Variants in PITPNM2 observed in about 807,000 individuals in gnomAD.
PITPNM2 encodes the protein membrane-associated phosphatidylinositol transfer protein 2.
A neutral mutation model predicts 132.2 loss-of-function variants in PITPNM2; 35 were observed. The ratio of observed to expected loss-of-function variants is 0.26; its 90% CI spans 0.20 to 0.35. The LOEUF (loss-of-function observed/expected upper bound fraction) is 0.35. Ranked by LOEUF, PITPNM2 falls within the 10% of genes least tolerant of loss-of-function variation. The pLI is 1.00. For missense variants in PITPNM2, 1,332 were observed against 1,912.0 expected (o/e 0.70, Z 5.66); for synonymous variants, 738 against 799.2 (o/e 0.92, Z 1.29).
intron 1 of PITPNM2, among the ~76,000 whole-genome samples, chr12:123,133,821 C>CACACACACACAT (rs1555299890): frequency 6.6e-6 from 1 of 150,708 alleles, no homozygotes; most frequent in African/African-American, 2.4e-5. Flanking sequence ...CACAGACACA[C>CACACACACACAT]ACACGCTCCT....
Position 122,994,179 on chromosome 12 carries a change from GC to G in PITPNM2, c.2233+621del, listed in dbSNP as rs1278359392. On this transcript the variant is annotated intron_variant, in intron 15 of 25. Transcript: ENST00000320201. The surrounding 1 kb of genome is among the most constrained non-coding windows in gnomAD (Gnocchi z 5.4). ...TGAGCCACCGCGCCCGGCCAGCTCTGCATTTTTAACCTGCACTTGGCAAGCA... is the reference window on the plus strand; with the variant it reads ...TGAGCCACCGCGCCCGGCCAGCTCTGATTTTTAACCTGCACTTGGCAAGCA... 6.6e-6 allele frequency among the ~76,000 whole-genome samples: 1 copy of G among 152,222 alleles called. No individual in the cohort carries two copies. Among genetic ancestry groups the G allele is most frequent in the Non-Finnish European group, 1.5e-5 (1 of 68,036 alleles).
Position 122,985,903 on chromosome 12 carries a change from C to G in PITPNM2, c.*124G>C, listed in dbSNP as rs1050344408. ...AGCACTGTGTGGTGCGGCCCGTGTCCTCCACAAGGCCCTGGGACAATCTCC... is the reference window on the plus strand; with the variant it reads ...AGCACTGTGTGGTGCGGCCCGTGTCGTCCACAAGGCCCTGGGACAATCTCC... On this transcript the variant is annotated 3_prime_UTR_variant, in exon 26 of 26. Transcript: ENST00000320201. The G allele has an allele frequency of 1.1e-6, 1 of 945,142 alleles. No individual in the cohort carries two copies. Among genetic ancestry groups the G allele is most frequent in the Admixed American group, 4.2e-5 (1 of 23,600 alleles). 58.5% of individuals were successfully genotyped at this position (945,142 alleles called of 1,614,324 possible).
At position 123,111,958 on chromosome 12, in the gene PITPNM2, G is replaced by A. The variant is rs769476292; in HGVS notation, c.-199-1470C>T. Among the ~76,000 whole-genome samples, 6 of 152,206 alleles carry A rather than the reference G, an allele frequency of 3.9e-5. No homozygotes were observed. The highest frequency in any genetic ancestry group is 1.4e-4 in the African/African-American group (6 of 41,528). On this transcript the variant is annotated intron_variant, in intron 1 of 25. Transcript: ENST00000320201. This position sits in a 1 kb window ranked among gnomAD's most constrained non-coding sequence, Gnocchi z 4.1. ...AGGGTTGAGGGTTTGCCATGGTAACGCACCCATCAATGGCGAGCCAGATTT... is the reference window on the plus strand; with the variant it reads ...AGGGTTGAGGGTTTGCCATGGTAACACACCCATCAATGGCGAGCCAGATTT...
intron 1 of PITPNM2, among the ~76,000 whole-genome samples, chr12:123,136,073 C>T (rs1220102033): frequency 1.3e-5 from 2 of 151,944 alleles, no homozygotes; most frequent in African/African-American, 4.8e-5. Flanking sequence ...GAGGCTGAGG[C>T]AGGTGGATCA....
chr12:123,036,758 T>G lies in PITPNM2; in HGVS notation c.-95-2073A>C, dbSNP rs1265637102. 6.6e-6 allele frequency among the ~76,000 whole-genome samples: 1 copy of G among 152,060 alleles called. No homozygotes were observed. The highest frequency in any genetic ancestry group is 1.9e-4 in the East Asian group (1 of 5,170). The stretch of plus-strand genomic sequence containing the variant: ...CCTGGACACAGAAATCCCCTCTAGC[T>G]CCCCTCTCTCTGGGAAGTTTCCTTG... On this transcript the variant is annotated intron_variant, in intron 2 of 25. Transcript: ENST00000320201. This position sits in a 1 kb window ranked among gnomAD's most constrained non-coding sequence, Gnocchi z 4.1.
At chr12:123,115,054 T>C (rs2042908955) in intron 1 of PITPNM2, among the ~76,000 whole-genome samples, 1 of 152,188 alleles carries the variant, frequency 6.6e-6, no homozygotes, top group African/African-American at 2.4e-5. Context: ...CAGGCCCTTC[T>C]GAGGCTGGGT....
chr12:123,128,244 A>G (rs557087409), intron 1 of PITPNM2, among the ~76,000 whole-genome samples: 7 of 126,862 alleles, frequency 5.5e-5, no homozygotes, highest in African/African-American at 1.7e-4. Flanking sequence ...CCTAGTAAAC[A>G]TGGCGAAACC....
At chr12:123,037,446 C>T (rs1213562812) in intron 2 of PITPNM2, among the ~76,000 whole-genome samples, 1 of 152,212 alleles carries the variant, frequency 6.6e-6, no homozygotes, top group Non-Finnish European at 1.5e-5. Context: ...TGAAGCAGTA[C>T]ACCTGTGTGA....
At chr12:123,057,549 A>C (rs1393027415) in intron 2 of PITPNM2, among the ~76,000 whole-genome samples, 1 of 152,192 alleles carries the variant, frequency 6.6e-6, no homozygotes, top group Non-Finnish European at 1.5e-5. Flanking sequence ...ACCGCATCTG[A>C]AATCAGAGCT....
Position 123,004,545 on chromosome 12 carries a change from G to A in PITPNM2, c.953-56C>T, listed in dbSNP as rs758057092. On this transcript the variant is annotated intron_variant, in intron 7 of 25. Coordinates refer to ENST00000320201, the MANE Select transcript of PITPNM2 (RefSeq NM_020845.3). This position sits in a 1 kb window ranked among gnomAD's most constrained non-coding sequence, Gnocchi z 4.9. ...ACTGGAGAGGAAGGGCCCAGAGGCT[G>A]CCCTGAGCCGGCAGGAGGCAGGGAG... 1.3e-6 allele frequency: 2 copies of A among 1,573,650 alleles called. No individual in the cohort carries two copies. Among genetic ancestry groups the A allele is most frequent in the Admixed American group, 3.4e-5 (2 of 59,182 alleles).
chr12:122,997,109 C>T (rs536252568), intron 11 of PITPNM2, among the ~76,000 whole-genome samples, 199 bp from the exon 12 acceptor site: 3 of 152,294 alleles, frequency 2.0e-5, no homozygotes, highest in Admixed American at 6.5e-5. Context: ...CCACATTACA[C>T]GTTTGGAAAC....
At chr12:123,046,187 C>T (rs1173984259) in intron 2 of PITPNM2, among the ~76,000 whole-genome samples, 1 of 152,120 alleles carries the variant, frequency 6.6e-6, no homozygotes, top group East Asian at 1.9e-4. Flanking sequence ...CTGCCCAGTC[C>T]TGCCTTTCCT....
At position 123,022,115 on chromosome 12, in the gene PITPNM2, C is replaced by T. The variant is rs376466784; in HGVS notation, c.79-8073G>A. On this transcript the variant is annotated intron_variant, in intron 3 of 25. Transcript: ENST00000320201. The surrounding 1 kb of genome is among the most constrained non-coding windows in gnomAD (Gnocchi z 4.9). ...CCAGGCCTGGAAAACCCTTCATTTC[C>T]GGTGCTCAGAGGCTCCCGGTACAGC... is the stretch of plus-strand genomic sequence containing the variant. 5.6e-4 allele frequency among the ~76,000 whole-genome samples: 86 copies of T among 152,280 alleles called. No homozygotes were observed. Among genetic ancestry groups the T allele is most frequent in the African/African-American group, 2.0e-3 (82 of 41,548 alleles).
chr12:123,098,607 A>G (rs779836679), intron 2 of PITPNM2, among the ~76,000 whole-genome samples: 3 of 152,142 alleles, frequency 2.0e-5, no homozygotes, highest in Non-Finnish European at 4.4e-5. Flanking sequence ...GCTACTCCAG[A>G]GGCATAGGCA....
chr12:123,061,095 T>C (rs2041221199), intron 2 of PITPNM2, among the ~76,000 whole-genome samples: 1 of 152,126 alleles, frequency 6.6e-6, no homozygotes, highest in Admixed American at 6.5e-5. Flanking sequence ...CACCCATGCA[T>C]CCATCCATCA....
intron 8 of PITPNM2, among the ~76,000 whole-genome samples, chr12:123,002,076 G>A (rs971540106): frequency 6.6e-6 from 1 of 151,122 alleles, no homozygotes; most frequent in East Asian, 1.9e-4. Flanking sequence ...GGTGGTTCAC[G>A]TCTGTAATCC....
intron 19 of PITPNM2, 130 bp from the exon 20 acceptor site, chr12:122,988,480 A>G (rs1336091769): frequency 4.8e-6 from 4 of 833,690 alleles, no homozygotes; most frequent in East Asian, 4.9e-5. Context: ...TCAACTCACT[A>G]CTGTCTGCCC....
rs1327312712 is a variant in PITPNM2, at chr12:122,988,824, C to A, written c.2780G>T (p.Cys927Phe). 1 of 1,584,274 alleles carries A rather than the reference C, an allele frequency of 6.3e-7. No homozygotes were observed. The highest frequency in any genetic ancestry group is 1.8e-5 in the Admixed American group (1 of 54,868). The stretch of plus-strand genomic sequence containing the variant: ...GGGGAAGGCCGTGAGGGCGTCAGGG[C>A]AGTACAGGGCGTAGTCGATCCGCTT... ...GQKRIDYALY[C>F]PDALTAFPTV... The change falls in exon 19 of 26, where the codon TGC (cysteine) becomes TTC (phenylalanine). Residue 927 changes from cysteine to phenylalanine, a missense_variant. Physicochemically the swap from Cys to Phe is radical, Grantham distance 205 (BLOSUM62 -2). Transcript: ENST00000320201.
intron 2 of PITPNM2, among the ~76,000 whole-genome samples, chr12:123,066,754 A>T (rs1276431265): frequency 6.6e-6 from 1 of 152,106 alleles, no homozygotes; most frequent in African/African-American, 2.4e-5. Context: ...ACCTTAAAAT[A>T]CGTGTCTGAC....
Sources: gnomAD v4.1 joint callset for allele counts (sites outside exome capture counted in the v4.1 genomes callset) on GRCh38, gnomAD v4.1.1 for gene constraint, Gnocchi (gnomAD v3.1) non-coding constraint, MANE v1.5 for transcripts, NCBI Gene and HGNC (gene_info 2026-07-23, HGNC 2026-07-21) for gene names.